KCTD20: variants seen among roughly 807,000 people sequenced by gnomAD.
The protein encoded by KCTD20 is BTB/POZ domain-containing protein KCTD20.
In KCTD20, 30 loss-of-function variants were observed where a neutral mutation model predicts 39.6. The ratio of observed to expected loss-of-function variants is 0.76; its 90% CI spans 0.57 to 1.03. The LOEUF (loss-of-function observed/expected upper bound fraction) is 1.03. Ranked by LOEUF, KCTD20 falls within the 50% of genes least tolerant of loss-of-function variation. KCTD20 has a pLI of 0.00. For missense variants in KCTD20, 422 were observed against 522.0 expected (o/e 0.81, Z 1.87); for synonymous variants, 162 against 180.6 (o/e 0.90, Z 0.83).
Position 36,451,149 on chromosome 6 carries a change from A to G in KCTD20, c.-47+8038A>G, listed in dbSNP as rs567152994. On this transcript the variant is annotated intron_variant, in intron 1 of 7. Coordinates refer to ENST00000373731, the MANE Select transcript of KCTD20 (RefSeq NM_173562.5). ...AGCCCAGAACTTCTGGGCTCAAGTG[A>G]TCCTCCCACCTCAGCCTCCTAAGTA... The G allele has an allele frequency of 4.6e-5, 7 of 152,340 alleles. No homozygotes were observed. In the East Asian group the frequency reaches 1.2e-3, roughly 25 times the overall value. The allele number at this position is 152,340 out of a possible 1,614,324, so 9.4% of individuals were successfully genotyped here. A position where few individuals can be genotyped will look rare whatever the true frequency, so the allele number is the denominator to read the frequency against.
intron 1 of KCTD20, among the ~76,000 whole-genome samples, chr6:36,465,938 T>C (rs1352392276): frequency 1.3e-5 from 2 of 152,242 alleles, no homozygotes; most frequent in Non-Finnish European, 2.9e-5. Context: ...AGCAGTCTCT[T>C]CAGTTACTGT....
At chr6:36,479,524 C>G in intron 4 of KCTD20, 67 bp from the exon 5 acceptor site, 3 of 1,413,960 alleles carry the variant, frequency 2.1e-6, no homozygotes, top group Non-Finnish European at 2.9e-6. Flanking sequence ...CAGGAATGCA[C>G]AGGGATGAAG....
rs1200076842 is a variant in KCTD20, at chr6:36,475,497, GA to G, written c.434+438del. 2.0e-5 allele frequency among the ~76,000 whole-genome samples: 3 copies of G among 151,934 alleles called. No individual in the cohort carries two copies. The East Asian group carries it at 5.8e-4, about 29-fold the overall frequency. ...TATTTTTCTGCCCTCATACATTTGT[GA>G]AAGGGAGGGCAAGCTGGTAAAAGCC... On this transcript the variant is annotated intron_variant, in intron 3 of 7. Coordinates refer to ENST00000373731, the MANE Select transcript of KCTD20 (RefSeq NM_173562.5).
chr6:36,467,326 T>C (rs1775787010), intron 1 of KCTD20, among the ~76,000 whole-genome samples: 1 of 25,698 alleles, frequency 3.9e-5, no homozygotes, highest in Non-Finnish European at 7.3e-5. Context: ...GGATTTTTTT[T>C]TTTTTTTTTT....
chr6:36,484,668 C>T, intron 6 of KCTD20, 46 bp from the exon 7 acceptor site: 1 of 865,726 alleles, frequency 1.2e-6, no homozygotes, highest in South Asian at 1.6e-5. Flanking sequence ...TCTCTTTCCT[C>T]TTAGGTCTTT....
intron 1 of KCTD20, among the ~76,000 whole-genome samples, chr6:36,468,276 T>C (rs536620938): frequency 1.3e-5 from 2 of 152,372 alleles, no homozygotes; most frequent in Admixed American, 6.5e-5. Context: ...TTTGGAGCCC[T>C]GGTTTTATAA....
chr6:36,465,296 CAA>C (rs143652568), intron 1 of KCTD20, among the ~76,000 whole-genome samples: 50 of 83,200 alleles, frequency 6.0e-4, no homozygotes, highest in Middle Eastern at 0.014. Context: ...GATTCCGTCT[CAA>C]AAAAAAAAAA....
intron 1 of KCTD20, among the ~76,000 whole-genome samples, chr6:36,448,181 T>C (rs1373308706): frequency 6.6e-6 from 1 of 152,012 alleles, no homozygotes; most frequent in Non-Finnish European, 1.5e-5. Context: ...TTGCTTCTAG[T>C]TGTCGCTGTC....
intron 1 of KCTD20, among the ~76,000 whole-genome samples, chr6:36,456,775 TG>T (rs1775449263): frequency 2.0e-5 from 3 of 151,796 alleles, no homozygotes; most frequent in African/African-American, 7.3e-5. Context: ...AAAGAGCCTG[TG>T]GAGCCTGTAA....
chr6:36,466,747 G>T (rs1206918912), intron 1 of KCTD20, among the ~76,000 whole-genome samples: 1 of 151,836 alleles, frequency 6.6e-6, no homozygotes, highest in Admixed American at 6.6e-5. Context: ...TCATTTGGGG[G>T]ATGGCTACAG....
intron 3 of KCTD20, among the ~76,000 whole-genome samples, chr6:36,476,679 T>C (rs9296184): frequency 0.4 from 60,257 of 151,820 alleles, 13,316 homozygotes; most frequent in East Asian, 0.57. Flanking sequence ...CCGCCCACCT[T>C]AGCCTCCCAA....
chr6:36,445,883 G>A (rs1176040399), intron 1 of KCTD20, among the ~76,000 whole-genome samples: 1 of 152,036 alleles, frequency 6.6e-6, no homozygotes, highest in Admixed American at 6.5e-5. Flanking sequence ...GATTGAAGGA[G>A]GATATGATGT....
At chr6:36,445,997 T>C (rs1159568047) in intron 1 of KCTD20, among the ~76,000 whole-genome samples, 2 of 148,418 alleles carry the variant, frequency 1.3e-5, no homozygotes, top group Admixed American at 6.8e-5. Flanking sequence ...AGCTATCTTG[T>C]AAAGCCCCAG....
chr6:36,479,279 A>C (rs1179937205), intron 4 of KCTD20, 56 bp downstream of exon 4: 133 of 1,206,526 alleles, frequency 1.1e-4, no homozygotes, highest in Non-Finnish European at 1.5e-4. Flanking sequence ...TGTGATCAAT[A>C]GCCTTGAGAG....
chr6:36,485,125 G>A (rs1039662554), intron 7 of KCTD20, among the ~76,000 whole-genome samples: 2 of 152,140 alleles, frequency 1.3e-5, no homozygotes, highest in Admixed American at 6.6e-5. Context: ...AGATGAGAGC[G>A]TCGTTCTGCC....
At chr6:36,466,627 C>T (rs1172715120) in intron 1 of KCTD20, among the ~76,000 whole-genome samples, 1 of 152,104 alleles carries the variant, frequency 6.6e-6, no homozygotes, top group Non-Finnish European at 1.5e-5. Flanking sequence ...AGAGATCCTC[C>T]TGCCTTGGCC....
chr6:36,460,758 G>A (rs1028640002), intron 1 of KCTD20, among the ~76,000 whole-genome samples: 1 of 152,030 alleles, frequency 6.6e-6, no homozygotes, highest in Non-Finnish European at 1.5e-5. Context: ...CTAGCCCCCG[G>A]TCTTCAGCTT....
chr6:36,478,329 G>A (rs530245498), intron 3 of KCTD20, among the ~76,000 whole-genome samples: 5 of 152,282 alleles, frequency 3.3e-5, no homozygotes, highest in African/African-American at 1.2e-4. Flanking sequence ...AAGTCATGGG[G>A]TCATTTAGAC....
At chr6:36,448,140 G>T (rs1163386329) in intron 1 of KCTD20, among the ~76,000 whole-genome samples, 4 of 151,612 alleles carry the variant, frequency 2.6e-5, no homozygotes, top group African/African-American at 9.7e-5. Flanking sequence ...TTGGAATGTA[G>T]TAGAAAGGTC....
Sources: allele counts gnomAD v4.1 joint callset (sites outside exome capture counted in the v4.1 genomes callset), GRCh38; gene constraint gnomAD v4.1.1; transcripts MANE v1.5; gene names NCBI Gene and HGNC (gene_info 2026-07-23, HGNC 2026-07-21).